Variants in FCHSD2 observed in about 807,000 individuals in gnomAD.
FCHSD2 encodes the protein FCH and double SH3 domains 2.
Under a neutral mutation model 108.1 loss-of-function variants are expected in FCHSD2, and 38 were observed. The observed-to-expected ratio is 0.35, with a 90% CI of 0.27 to 0.46. The LOEUF (loss-of-function observed/expected upper bound fraction) is 0.46. Among genes scored for constraint, FCHSD2 ranks in the 20% least tolerant of loss-of-function variants. The pLI, the probability that FCHSD2 is intolerant of heterozygous loss-of-function variation, is 1.00. For missense variants in FCHSD2, 751 were observed against 897.8 expected (o/e 0.84, Z 2.09); for synonymous variants, 279 against 314.7 (o/e 0.89, Z 1.20).
intron 8 of FCHSD2, among the ~76,000 whole-genome samples, chr11:72,938,339 C>T (rs980910694): frequency 2.0e-5 from 3 of 151,952 alleles, no homozygotes; most frequent in East Asian, 1.9e-4. Context: ...GTCAGCCAGT[C>T]GAGACTATTA....
chr11:72,987,737 T>G (rs7118144), intron 6 of FCHSD2, among the ~76,000 whole-genome samples: 7,010 of 152,270 alleles, frequency 0.046, 433 homozygotes, highest in African/African-American at 0.14. Context: ...GGCTAAATTA[T>G]TTGTTTATAC....
intron 4 of FCHSD2, among the ~76,000 whole-genome samples, chr11:73,007,387 G>A (rs142729788): frequency 1.9e-3 from 289 of 152,286 alleles, no homozygotes; most frequent in African/African-American, 6.6e-3. Flanking sequence ...TTGGGAGGCT[G>A]AGGCAGAAGG....
At chr11:72,942,163 G>C (rs188792690) in intron 8 of FCHSD2, among the ~76,000 whole-genome samples, 6 of 152,254 alleles carry the variant, frequency 3.9e-5, no homozygotes, top group Admixed American at 2.0e-4. Flanking sequence ...ACAGTAATGA[G>C]AGCGTTCTCA....
chr11:73,081,737 T>C (rs1212880695), intron 3 of FCHSD2, among the ~76,000 whole-genome samples: 1 of 152,060 alleles, frequency 6.6e-6, no homozygotes, highest in Admixed American at 6.6e-5. Context: ...TAAATATATA[T>C]GTAGTGTACA....
chr11:72,948,512 A>T (rs1306342246), intron 8 of FCHSD2, among the ~76,000 whole-genome samples: 1 of 152,208 alleles, frequency 6.6e-6, no homozygotes, highest in Admixed American at 6.5e-5. Context: ...CAAAGAATAT[A>T]GTTTATTTTA....
At chr11:72,841,053 A>G in intron 18 of FCHSD2, 94 bp from the exon 19 acceptor site, 1 of 926,550 alleles carries the variant, frequency 1.1e-6, no homozygotes, top group East Asian at 2.5e-5. Context: ...CTGTAATCCC[A>G]GCACTTTGGG....
chr11:72,928,203 T>TA (rs1274303453), intron 8 of FCHSD2, among the ~76,000 whole-genome samples: 4 of 151,594 alleles, frequency 2.6e-5, no homozygotes, highest in Admixed American at 6.6e-5. Flanking sequence ...AAATTTTTCA[T>TA]AAAAAAGCAT....
chr11:73,117,604 T>G (rs1860633864), intron 2 of FCHSD2, among the ~76,000 whole-genome samples: 1 of 152,208 alleles, frequency 6.6e-6, no homozygotes. Flanking sequence ...TTTAACTCAG[T>G]TAGTAGTGGT....
intron 9 of FCHSD2, among the ~76,000 whole-genome samples, chr11:72,914,808 C>G (rs779449071): frequency 2.6e-5 from 4 of 152,104 alleles, no homozygotes; most frequent in Non-Finnish European, 5.9e-5. Flanking sequence ...CAATACCATT[C>G]AGGACATAGG....
intron 2 of FCHSD2, among the ~76,000 whole-genome samples, chr11:73,134,219 C>T (rs1356272404): frequency 6.6e-6 from 1 of 152,050 alleles, no homozygotes; most frequent in African/African-American, 2.4e-5. Flanking sequence ...GCCTGTAACC[C>T]CAACACTTTG....
At chr11:73,085,400 A>G (rs1859791603) in intron 2 of FCHSD2, among the ~76,000 whole-genome samples, 1 of 152,166 alleles carries the variant, frequency 6.6e-6, no homozygotes, top group Non-Finnish European at 1.5e-5. Flanking sequence ...CAACTGAAAG[A>G]GAGGGGATGA....
intron 8 of FCHSD2, among the ~76,000 whole-genome samples, chr11:72,927,064 A>C (rs1293131290): frequency 6.6e-6 from 1 of 152,208 alleles, no homozygotes; most frequent in Non-Finnish European, 1.5e-5. Flanking sequence ...TTACTATCTT[A>C]ACAATTCACA....
Position 72,922,957 on chromosome 11 carries a change from T to TC in FCHSD2, c.706-1008dup, listed in dbSNP as rs540534412. Among the ~76,000 whole-genome samples the TC allele has an allele frequency of 1.2e-3, 177 of 152,200 alleles. 1 individual carries two copies. The highest frequency in any genetic ancestry group is 4.1e-3 in the African/African-American group (171 of 41,526). ...AAGTGGTCATTCTCCATCCCTTCCT[T>TC]CCCCCAGCCCCTGGCAACCACTAGT... On this transcript the variant is annotated intron_variant, in intron 8 of 19. Transcript: ENST00000409418.
At position 72,964,111 on chromosome 11, in the gene FCHSD2, T is replaced by C. The variant is rs114173737; in HGVS notation, c.705+19977A>G. Reference sequence around the variant, plus strand: ...AACATGGATAATATAGTTAATATTATGGATGACACAATCAGCATTCAAATA... The same window carrying C: ...AACATGGATAATATAGTTAATATTACGGATGACACAATCAGCATTCAAATA... On this transcript the variant is annotated intron_variant, in intron 8 of 19. Coordinates refer to ENST00000409418, the MANE Select transcript of FCHSD2 (RefSeq NM_014824.3). 2.7e-3 allele frequency among the ~76,000 whole-genome samples: 410 copies of C among 152,316 alleles called. 1 individual carries two copies. The highest frequency in any genetic ancestry group is 9.4e-3 in the African/African-American group (390 of 41,574).
At chr11:72,912,960 A>G (rs988447417) in intron 9 of FCHSD2, among the ~76,000 whole-genome samples, 1 of 152,210 alleles carries the variant, frequency 6.6e-6, no homozygotes, top group Non-Finnish European at 1.5e-5. Flanking sequence ...CTGTACAGGA[A>G]GCATGGCTGG....
intron 2 of FCHSD2, among the ~76,000 whole-genome samples, chr11:73,136,383 G>T (rs748120938): frequency 2.2e-4 from 33 of 151,900 alleles, no homozygotes; most frequent in Non-Finnish European, 3.7e-4. Flanking sequence ...AACATGGTAA[G>T]ACCCCATGTC....
intron 4 of FCHSD2, among the ~76,000 whole-genome samples, chr11:73,004,565 T>C (rs1045753693): frequency 2.6e-5 from 4 of 152,188 alleles, no homozygotes; most frequent in Non-Finnish European, 4.4e-5. Context: ...ATTACCCAGC[T>C]TAGGTTTCAT....
intron 10 of FCHSD2, chr11:72,900,434 C>A: frequency 1.3e-6 from 1 of 741,230 alleles, no homozygotes; most frequent in Non-Finnish European, 2.3e-6. Flanking sequence ...TGTTTAGAAA[C>A]AAAAGATTTA....
intron 3 of FCHSD2, among the ~76,000 whole-genome samples, chr11:73,036,098 G>A (rs774910980): frequency 6.6e-6 from 1 of 152,104 alleles, no homozygotes; most frequent in African/African-American, 2.4e-5. Flanking sequence ...AAAACTAAAG[G>A]CTAAGAGTAG....
Sources: allele counts gnomAD v4.1 joint callset (sites outside exome capture counted in the v4.1 genomes callset), GRCh38; gene constraint gnomAD v4.1.1; transcripts MANE v1.5; gene names NCBI Gene and HGNC (gene_info 2026-07-23, HGNC 2026-07-21).